Variants in MEGF6 observed in about 807,000 individuals in gnomAD.
The protein encoded by MEGF6 is multiple epidermal growth factor-like domains protein 6.
In MEGF6, 184 loss-of-function variants were observed where a neutral mutation model predicts 207.1. That is an observed-to-expected ratio of 0.89 (90% CI 0.79 to 1.00). The LOEUF is 1.00. MEGF6 is among the 50% of genes least tolerant of loss of function. The probability of loss-of-function intolerance (pLI) is 0.00; values close to 1 mark genes in which losing one functional copy is unlikely to be tolerated. For missense variants in MEGF6, 2,282 were observed against 2,202.9 expected, an observed-to-expected ratio of 1.04 and a Z score of -0.72; for synonymous variants, 1,038 against 910.0, an observed-to-expected ratio of 1.14 and a Z score of -2.53.
rs761482326 is a variant in MEGF6, at chr1:3,605,359, TCA to T, written c.132-2761_132-2760del. On this transcript the variant is annotated intron_variant, in intron 1 of 36. Transcript: ENST00000356575. ...AACATGCTCATACACTCACGCACGTTCACACACACTCAATCACACTCACTACC... is the reference window on the plus strand; with the variant it reads ...AACATGCTCATACACTCACGCACGTTCACACACTCAATCACACTCACTACC... 3.5e-4 allele frequency among the ~76,000 whole-genome samples: 39 copies of T among 109,990 alleles called. 1 individual carries two copies. The highest frequency in any genetic ancestry group is 1.4e-3 in the Admixed American group (16 of 11,414). The allele number at this position is 109,990 out of a possible 152,430, so 72.2% of individuals were successfully genotyped here. A position where few individuals can be genotyped will look rare whatever the true frequency, so the allele number is the denominator to read the frequency against.
chr1:3,509,379 C>T, intron 11 of MEGF6, 134 bp from the exon 12 acceptor site: 1 of 690,156 alleles, frequency 1.4e-6, no homozygotes, highest in Non-Finnish European at 2.2e-6. Flanking sequence ...ACTACCCCCA[C>T]CTCCTCAGCC....
At chr1:3,552,564 G>A (rs138594968) in intron 4 of MEGF6, among the ~76,000 whole-genome samples, 146 of 152,336 alleles carry the variant, frequency 9.6e-4, no homozygotes, top group African/African-American at 3.2e-3. Flanking sequence ...GTGTGGTGGC[G>A]CACGCCTGTC....
chr1:3,608,969 T>C (rs1221328424), intron 1 of MEGF6, among the ~76,000 whole-genome samples: 4 of 152,128 alleles, frequency 2.6e-5, no homozygotes, highest in Non-Finnish European at 5.9e-5. Context: ...TCCGACAGCG[T>C]CTCCTAGAGG....
intron 4 of MEGF6, among the ~76,000 whole-genome samples, chr1:3,540,670 C>T (rs116724387): frequency 2.3e-3 from 357 of 152,352 alleles, no homozygotes; most frequent in African/African-American, 7.5e-3. Flanking sequence ...GATCCAGGCA[C>T]GGCAGACCAG....
chr1:3,620,955 G>T, the MEGF6 span, among the ~76,000 whole-genome samples: 2 of 152,226 alleles, frequency 1.3e-5, no homozygotes, highest in Non-Finnish European at 2.9e-5. Context: ...CGGAGAGAGA[G>T]AGGAGAGACA....
At chr1:3,513,902 T>C (rs531084250) in intron 7 of MEGF6, among the ~76,000 whole-genome samples, 3 of 151,846 alleles carry the variant, frequency 2.0e-5, no homozygotes, top group Admixed American at 2.0e-4. Flanking sequence ...CATTTCTCCT[T>C]TTCTCTTATT....
intron 1 of MEGF6, among the ~76,000 whole-genome samples, chr1:3,610,848 C>T (rs1397950799): frequency 6.6e-6 from 1 of 152,086 alleles, no homozygotes. Context: ...CCAGATTCCT[C>T]ACCGCTTCCA....
upstream of MEGF6, among the ~76,000 whole-genome samples, chr1:3,613,644 G>A (rs1158723443): frequency 6.6e-6 from 1 of 152,194 alleles, no homozygotes; most frequent in East Asian, 1.9e-4. Context: ...TTCAAAAGGA[G>A]GTCTCTGGGC....
At chr1:3,576,431 A>C (rs1430998974) in intron 4 of MEGF6, among the ~76,000 whole-genome samples, 6 of 152,252 alleles carry the variant, frequency 3.9e-5, no homozygotes, top group Non-Finnish European at 1.5e-5. Flanking sequence ...GTTCAAATGA[A>C]ATAATTTGGG....
chr1:3,505,043 AACACCGGTAGCAAG>A (rs1641049645), intron 17 of MEGF6, among the ~76,000 whole-genome samples, 151 bp downstream of exon 17: 1 of 117,718 alleles, frequency 8.5e-6, no homozygotes. Flanking sequence ...CCGTCAAGGC[AACACCGGTAGCAAG>A]GCAACACCGG....
upstream of MEGF6, among the ~76,000 whole-genome samples, chr1:3,616,051 A>C (rs1644375936): frequency 6.6e-6 from 1 of 152,208 alleles, no homozygotes; most frequent in Non-Finnish European, 1.5e-5. Context: ...CTTTGGATGG[A>C]GGAGAAATAA....
At chr1:3,618,411 C>G in the MEGF6 span, among the ~76,000 whole-genome samples, 1 of 152,130 alleles carries the variant, frequency 6.6e-6, no homozygotes, top group Admixed American at 6.5e-5. The surrounding 1 kb of genome is among the most constrained non-coding windows in gnomAD (Gnocchi z 4.7). Context: ...GCCGAGAGAC[C>G]ACCTGGGGAC....
rs936979223 is a variant in MEGF6, at chr1:3,574,963, C to G, written c.481+4862G>C. Among the ~76,000 whole-genome samples, 6 of 152,294 alleles carry G rather than the reference C, an allele frequency of 3.9e-5. No homozygotes were observed. In the East Asian group the frequency reaches 9.7e-4, roughly 25 times the overall value. On this transcript the variant is annotated intron_variant, in intron 4 of 36. Coordinates refer to ENST00000356575, the MANE Select transcript of MEGF6 (RefSeq NM_001409.4). ...TGGCTTGAGCCAAAGGTTCTTGAAC[C>G]AAGAAAGTACCTAGAGGTGACCCAG...
intron 4 of MEGF6, among the ~76,000 whole-genome samples, chr1:3,559,217 C>T (rs1396430410): frequency 6.6e-6 from 1 of 152,194 alleles, no homozygotes; most frequent in Non-Finnish European, 1.5e-5. Context: ...ATGGCAGCCA[C>T]TTGCCCCGTC....
chr1:3,510,061 C>G (rs779113325), intron 10 of MEGF6, 69 bp from the exon 11 acceptor site: 4 of 1,529,232 alleles, frequency 2.6e-6, no homozygotes, highest in Non-Finnish European at 3.5e-6. Flanking sequence ...CCTGCCCACC[C>G]AGTCCTACCC....
At chr1:3,547,370 T>C (rs1287106717) in intron 4 of MEGF6, among the ~76,000 whole-genome samples, 1 of 152,134 alleles carries the variant, frequency 6.6e-6, no homozygotes, top group Non-Finnish European at 1.5e-5. Context: ...TTCAGTGTGG[T>C]GTGGCTCTCA....
At chr1:3,592,618 T>C (rs1643997181) in intron 3 of MEGF6, among the ~76,000 whole-genome samples, 1 of 152,068 alleles carries the variant, frequency 6.6e-6, no homozygotes, top group Non-Finnish European at 1.5e-5. Context: ...AATGAATGAC[T>C]CTGTGGCTAG....
At chr1:3,524,288 C>T in intron 4 of MEGF6, 42 bp from the exon 5 acceptor site, 1 of 1,589,460 alleles carries the variant, frequency 6.3e-7, no homozygotes, top group Non-Finnish European at 8.6e-7. Flanking sequence ...GGCACCTGTG[C>T]CCTCCTGCTT....
In MEGF6 at chr1:3,611,314, C is replaced by T; in HGVS notation, c.-46G>A. The T allele has an allele frequency of 7.1e-7, 1 of 1,405,142 alleles. No homozygotes were observed. 87.0% of individuals were successfully genotyped at this position (1,405,142 alleles called of 1,614,324 possible). A position where few individuals can be genotyped will look rare whatever the true frequency, so the allele number is the denominator to read the frequency against. ...CCGCTCTCCGGCTCACAGGCGGCCC[C>T]GGCGGCTCCCCGGAGCCTCCGCCTC... On this transcript the variant is annotated 5_prime_UTR_variant, in exon 1 of 37. Transcript: ENST00000356575.
Sources: gnomAD v4.1 joint callset for allele counts (sites outside exome capture counted in the v4.1 genomes callset) on GRCh38, gnomAD v4.1.1 for gene constraint, Gnocchi (gnomAD v3.1) non-coding constraint, MANE v1.5 for transcripts, NCBI Gene and HGNC (gene_info 2026-07-23, HGNC 2026-07-21) for gene names.